The following AXDND1 variants were observed in gnomAD, a reference collection of about 807,000 sequenced individuals.
AXDND1 encodes axonemal dynein light chain domain-containing protein 1.
Under a neutral mutation model 137.5 loss-of-function variants are expected in AXDND1, and 110 were observed. The ratio of observed to expected loss-of-function variants is 0.80; its 90% CI spans 0.69 to 0.94. AXDND1 has a LOEUF of 0.94. Among genes scored for constraint, AXDND1 ranks in the 40% least tolerant of loss-of-function variants. The probability of loss-of-function intolerance (pLI) is 0.00; values close to 1 mark genes in which losing one functional copy is unlikely to be tolerated. For missense variants in AXDND1, 1,191 were observed against 1,169.8 expected (o/e 1.02, Z -0.26); for synonymous variants, 414 against 399.7 (o/e 1.04, Z -0.43).
intron 9 of AXDND1, among the ~76,000 whole-genome samples, chr1:179,392,257 A>G (rs1424932026): frequency 6.6e-6 from 1 of 152,250 alleles, no homozygotes; most frequent in Non-Finnish European, 1.5e-5. Flanking sequence ...TACTTCATTT[A>G]GAATAATGGT....
intron 15 of AXDND1, among the ~76,000 whole-genome samples, chr1:179,441,891 C>T (rs990195609): frequency 2.0e-5 from 3 of 152,238 alleles, no homozygotes; most frequent in Admixed American, 2.0e-4. Flanking sequence ...CGCTAGCAGA[C>T]AAGCAAGTTC....
At chr1:179,407,805 G>GA (rs1239203819) in intron 11 of AXDND1, among the ~76,000 whole-genome samples, 1 of 152,032 alleles carries the variant, frequency 6.6e-6, no homozygotes, top group Non-Finnish European at 1.5e-5. Flanking sequence ...CAAGATTTGG[G>GA]AATTTTCAAG....
At position 179,444,763 on chromosome 1, in the gene AXDND1, G is replaced by A. The variant is rs927071001; in HGVS notation, c.1564-207G>A. 2.0e-5 allele frequency among the ~76,000 whole-genome samples: 3 copies of A among 150,112 alleles called. No homozygotes were observed. In the East Asian group the frequency reaches 5.8e-4, roughly 29 times the overall value. The stretch of plus-strand genomic sequence containing the variant: ...TGATTTTCATCCTGGTAAACTATGG[G>A]TTATCTCATAGAGTACCAAAATTAG... On this transcript the variant is annotated intron_variant, in intron 15 of 25. Transcript: ENST00000367618.
At chr1:179,528,492 T>C (rs187105477) in intron 23 of AXDND1, 61 bp downstream of exon 23, 3 of 1,191,476 alleles carry the variant, frequency 2.5e-6, no homozygotes, top group Non-Finnish European at 3.7e-6. Context: ...AAAAATGATA[T>C]GGTGCTAACA....
intron 21 of AXDND1, among the ~76,000 whole-genome samples, chr1:179,517,685 A>G (rs1669673122): frequency 6.6e-6 from 1 of 152,176 alleles, no homozygotes; most frequent in African/African-American, 2.4e-5. Flanking sequence ...GCTCCAGGTA[A>G]GGTTGGAAAC....
intron 4 of AXDND1, among the ~76,000 whole-genome samples, chr1:179,377,098 A>C (rs148740497): frequency 2.7e-4 from 41 of 152,094 alleles, no homozygotes; most frequent in Non-Finnish European, 1.0e-4. Context: ...CGCCCGGCTA[A>C]TTTTTGTATT....
chr1:179,392,148 C>T (rs755143285), intron 9 of AXDND1, among the ~76,000 whole-genome samples: 2 of 152,156 alleles, frequency 1.3e-5, no homozygotes, highest in African/African-American at 2.4e-5. Flanking sequence ...CTCCTCAGAC[C>T]CCAGAGTCCA....
intron 22 of AXDND1, 141 bp downstream of exon 22, chr1:179,525,588 T>G (rs1348240177): frequency 4.9e-6 from 5 of 1,016,654 alleles, no homozygotes; most frequent in Non-Finnish European, 6.7e-6. Flanking sequence ...CCTCGAACTC[T>G]GGGGCTCAAA....
At chr1:179,474,850 G>A (rs1350056389) in intron 17 of AXDND1, among the ~76,000 whole-genome samples, 4 of 152,236 alleles carry the variant, frequency 2.6e-5, no homozygotes, top group African/African-American at 9.6e-5. Flanking sequence ...GCAAGTCAGC[G>A]ATCCTCAGAC....
At chr1:179,400,976 C>T (rs909709244) in intron 11 of AXDND1, among the ~76,000 whole-genome samples, 12 of 137,912 alleles carry the variant, frequency 8.7e-5, no homozygotes, top group African/African-American at 2.2e-4. Flanking sequence ...AGAATGTGTA[C>T]GGCCAGGTGC....
At chr1:179,470,696 TTTC>T (rs145575573) in intron 17 of AXDND1, among the ~76,000 whole-genome samples, 4,523 of 152,228 alleles carry the variant, frequency 0.03, 250 homozygotes, top group African/African-American at 0.1. Context: ...TTCTTAGTAT[TTTC>T]TATACAAAAG....
intron 11 of AXDND1, among the ~76,000 whole-genome samples, chr1:179,406,932 T>G (rs1653061016): frequency 6.6e-6 from 1 of 152,154 alleles, no homozygotes; most frequent in African/African-American, 2.4e-5. Flanking sequence ...TAGCTTTTTC[T>G]CCTTTCCTCT....
intron 16 of AXDND1, among the ~76,000 whole-genome samples, chr1:179,466,034 G>A (rs1663117077): frequency 2.6e-5 from 4 of 152,166 alleles, no homozygotes. Flanking sequence ...GCTTCCCTTG[G>A]CTAGGAGAGG....
At chr1:179,458,790 A>G (rs1344918517) in intron 16 of AXDND1, among the ~76,000 whole-genome samples, 1 of 152,014 alleles carries the variant, frequency 6.6e-6, no homozygotes, top group African/African-American at 2.4e-5. Flanking sequence ...TAGTAATACC[A>G]TGAATGGAAA....
intron 20 of AXDND1, among the ~76,000 whole-genome samples, chr1:179,504,111 C>T (rs964755327): frequency 2.0e-5 from 3 of 152,146 alleles, no homozygotes; most frequent in African/African-American, 4.8e-5. Context: ...TAATATTTTA[C>T]TATTTGAAAA....
chr1:179,535,360 C>T (rs1671441115), intron 25 of AXDND1, among the ~76,000 whole-genome samples: 1 of 152,110 alleles, frequency 6.6e-6, no homozygotes, highest in African/African-American at 2.4e-5. Flanking sequence ...TCTCCTAATG[C>T]TATCCCTCCC....
At chr1:179,526,918 C>A (rs1670582952) in intron 22 of AXDND1, among the ~76,000 whole-genome samples, 1 of 152,158 alleles carries the variant, frequency 6.6e-6, no homozygotes, top group Admixed American at 6.5e-5. Flanking sequence ...TGGAAAAAGG[C>A]ATTCTCAGTT....
At chr1:179,435,250 G>A (rs12562125) in intron 15 of AXDND1, among the ~76,000 whole-genome samples, 48,862 of 151,930 alleles carry the variant, frequency 0.32, 8,242 homozygotes, top group Middle Eastern at 0.43. Flanking sequence ...TCAATATTGC[G>A]AAAATGGCCA....
chr1:179,481,432 C>T (rs552698089), intron 17 of AXDND1, among the ~76,000 whole-genome samples: 18 of 152,230 alleles, frequency 1.2e-4, no homozygotes, highest in Admixed American at 2.0e-4. Context: ...TGAATAGTGC[C>T]GCAGTGAACA....
Sources: allele counts gnomAD v4.1 joint callset (sites outside exome capture counted in the v4.1 genomes callset), GRCh38; gene constraint gnomAD v4.1.1; transcripts MANE v1.5; gene names NCBI Gene and HGNC (gene_info 2026-07-23, HGNC 2026-07-21).